HDGFL3: variants seen among roughly 807,000 people sequenced by gnomAD.
The protein encoded by HDGFL3 is hepatoma-derived growth factor-related protein 3.
A neutral mutation model predicts 27.6 loss-of-function variants in HDGFL3; 6 were observed. The observed-to-expected ratio is 0.22, with a 90% CI of 0.12 to 0.43. The LOEUF (loss-of-function observed/expected upper bound fraction) is 0.43. Among genes scored for constraint, HDGFL3 ranks in the 20% least tolerant of loss-of-function variants. HDGFL3 has a pLI of 1.00. For synonymous variants in HDGFL3, 88 were observed against 88.9 expected (o/e 0.99, Z 0.05); for missense variants, 207 against 250.1 (o/e 0.83, Z 1.16).
chr15:83,195,996 C>T (rs984666074), intron 1 of HDGFL3, among the ~76,000 whole-genome samples: 1 of 151,798 alleles, frequency 6.6e-6, no homozygotes, highest in Non-Finnish European at 1.5e-5. Flanking sequence ...TGACTCCATC[C>T]TGAAGTTACA....
At chr15:83,196,070 G>C (rs973030252) in intron 1 of HDGFL3, among the ~76,000 whole-genome samples, 1 of 151,550 alleles carries the variant, frequency 6.6e-6, no homozygotes, top group African/African-American at 2.4e-5. Flanking sequence ...TCAAAAAAAG[G>C]GACAGATATG....
chr15:83,160,752 C>T (rs1266255166), intron 2 of HDGFL3, among the ~76,000 whole-genome samples: 1 of 152,134 alleles, frequency 6.6e-6, no homozygotes, highest in Non-Finnish European at 1.5e-5. Context: ...TAACAGTTTA[C>T]TATTGATCTC....
downstream of HDGFL3, among the ~76,000 whole-genome samples, chr15:83,125,266 C>CATG (rs1342483470): frequency 3.3e-5 from 5 of 152,164 alleles, no homozygotes; most frequent in African/African-American, 1.2e-4. Flanking sequence ...AAATTCATCT[C>CATG]ACGCCTGGAG....
chr15:83,120,252 T>C (rs908400605), intron 3 of HDGFL3, among the ~76,000 whole-genome samples: 1 of 152,202 alleles, frequency 6.6e-6, no homozygotes, highest in African/African-American at 2.4e-5. Flanking sequence ...AGCTTGGTCT[T>C]GGGAGGCACA....
intron 1 of HDGFL3, among the ~76,000 whole-genome samples, chr15:83,166,680 G>A (rs2037175492): frequency 6.6e-6 from 1 of 152,160 alleles, no homozygotes; most frequent in South Asian, 2.1e-4. Flanking sequence ...AGCAAGCATG[G>A]CTTCAGGGGA....
chr15:83,116,227 G>T (rs559062341), intron 3 of HDGFL3, among the ~76,000 whole-genome samples: 3 of 152,290 alleles, frequency 2.0e-5, no homozygotes, highest in Non-Finnish European at 2.9e-5. Flanking sequence ...TATAAATAAG[G>T]TACCTTAAAT....
intron 4 of HDGFL3, among the ~76,000 whole-genome samples, chr15:83,155,353 T>C (rs1429244568): frequency 6.6e-6 from 1 of 152,246 alleles, no homozygotes; most frequent in East Asian, 1.9e-4. Flanking sequence ...AATAATGGCA[T>C]TTAAAAGCCA....
intron 1 of HDGFL3, among the ~76,000 whole-genome samples, chr15:83,199,759 C>T (rs1290932650): frequency 6.6e-6 from 1 of 152,082 alleles, no homozygotes; most frequent in African/African-American, 2.4e-5. Context: ...TGGCCTATCA[C>T]AAGCCAGGTG....
rs1318792106 is a variant in HDGFL3 at position 83,128,011 on chromosome 15, A to G, written c.*11259T>C. 6.6e-6 allele frequency: 1 copy of G among 152,428 alleles called. No homozygotes were observed. Among genetic ancestry groups the G allele is most frequent in the African/African-American group, 2.4e-5 (1 of 41,468 alleles). The allele number at this position is 152,428 out of a possible 1,614,324, so 9.4% of individuals were successfully genotyped here. A position where few individuals can be genotyped will look rare whatever the true frequency, so the allele number is the denominator to read the frequency against. On this transcript the variant is annotated 3_prime_UTR_variant, in exon 6 of 6. Coordinates refer to ENST00000299633, the MANE Select transcript of HDGFL3 (RefSeq NM_016073.4). ...TGAATGCTTACTGCGTTTAACTGAAAATGAAATTATCTATGGAGAACTTCA... is the reference window on the plus strand; with the variant it reads ...TGAATGCTTACTGCGTTTAACTGAAGATGAAATTATCTATGGAGAACTTCA...
rs754571133 is a variant in HDGFL3 at position 83,169,363 on chromosome 15, C to T, written c.85-5288G>A. On this transcript the variant is annotated intron_variant, in intron 1 of 5. Transcript: ENST00000299633. ...CCGGGAGGCGGAGCTTGCAGTGAGC[C>T]GAGATCGCGCCACTGCACTCCAGCC... 1.1e-4 allele frequency: 23 copies of T among 215,600 alleles called. No homozygotes were observed. The Middle Eastern group carries it at 7.1e-3, about 66-fold the overall frequency. 13.4% of individuals were successfully genotyped at this position (215,600 alleles called of 1,614,324 possible). A position where few individuals can be genotyped will look rare whatever the true frequency, so the allele number is the denominator to read the frequency against.
At chr15:83,113,688 T>A (rs1050104359) in exon 4 of HDGFL3, 1 of 152,612 alleles carries the variant, frequency 6.6e-6, no homozygotes, top group African/African-American at 2.4e-5. Flanking sequence ...AGGCTGTGGG[T>A]TGATTTCAGG....
chr15:83,197,197 C>T (rs1020546322), intron 1 of HDGFL3, among the ~76,000 whole-genome samples: 47 of 152,166 alleles, frequency 3.1e-4, no homozygotes, highest in Non-Finnish European at 1.6e-4. Flanking sequence ...CAGTGCTGAG[C>T]TGGAGAACAG....
chr15:83,200,856 C>CTTTTTTT (rs200038603), intron 1 of HDGFL3, among the ~76,000 whole-genome samples: 24 of 120,134 alleles, frequency 2.0e-4, no homozygotes, highest in Non-Finnish European at 2.8e-4. Flanking sequence ...TTACTTTATT[C>CTTTTTTT]TTTTTTTTTT....
rs577055460 is a variant in HDGFL3, at chr15:83,180,373, G to C, written c.85-16298C>G. 2.0e-5 allele frequency among the ~76,000 whole-genome samples: 3 copies of C among 152,144 alleles called. No individual in the cohort carries two copies. In the South Asian group the frequency reaches 6.2e-4, roughly 32 times the overall value. ...GCATGCCAATGAGAAGAATTTTTTG[G>C]GCTAGCTGACAAAAAACGTAGAGAA... On this transcript the variant is annotated intron_variant, in intron 1 of 5. Coordinates refer to ENST00000299633, the MANE Select transcript of HDGFL3 (RefSeq NM_016073.4).
At position 83,207,441 on chromosome 15, in the gene HDGFL3, C is replaced by T. The variant is rs2037736942; in HGVS notation, c.-27G>A. On this transcript the variant is annotated 5_prime_UTR_variant, in exon 1 of 6. Coordinates refer to ENST00000299633, the MANE Select transcript of HDGFL3 (RefSeq NM_016073.4). The surrounding 1 kb of genome is among the most constrained non-coding windows in gnomAD (Gnocchi z 4.8). ...CCAGCCGCTCCCCTTCCTGGTAGTC[C>T]TTGGTCGCCGCGAAGATGCCGGGAG... 3.1e-6 allele frequency: 4 copies of T among 1,281,972 alleles called. No homozygotes were observed. The highest frequency in any genetic ancestry group is 5.9e-5 in the South Asian group (2 of 33,828). 79.4% of individuals were successfully genotyped at this position (1,281,972 alleles called of 1,614,324 possible). A position where few individuals can be genotyped will look rare whatever the true frequency, so the allele number is the denominator to read the frequency against.
intron 1 of HDGFL3, chr15:83,189,392 T>C (rs1384931291): frequency 1.3e-5 from 2 of 152,398 alleles, no homozygotes; most frequent in African/African-American, 4.8e-5. Context: ...CTCCCCCAGG[T>C]CCTAGCTCGC....
chr15:83,174,154 A>G (rs928731538), intron 1 of HDGFL3, among the ~76,000 whole-genome samples: 3 of 152,118 alleles, frequency 2.0e-5, no homozygotes, highest in African/African-American at 7.2e-5. Flanking sequence ...TAACCTCTAG[A>G]TTTCCTTCAA....
chr15:83,160,467 G>A (rs1294402196), intron 2 of HDGFL3, among the ~76,000 whole-genome samples: 1 of 151,324 alleles, frequency 6.6e-6, no homozygotes. Context: ...TTACAGCCAT[G>A]AGCCACCACA....
At chr15:83,112,799 C>T in exon 4 of HDGFL3, 1 of 1,613,002 alleles carries the variant, frequency 6.2e-7, no homozygotes. Context: ...CGTTGCAGTT[C>T]CTGGACTATT....
Sources: gnomAD v4.1 joint callset for allele counts (sites outside exome capture counted in the v4.1 genomes callset) on GRCh38, gnomAD v4.1.1 for gene constraint, Gnocchi (gnomAD v3.1) non-coding constraint, MANE v1.5 for transcripts, NCBI Gene and HGNC (gene_info 2026-07-23, HGNC 2026-07-21) for gene names.